Variants in R3HCC1L observed in about 807,000 individuals in gnomAD.
R3HCC1L encodes the protein coiled-coil domain-containing protein R3HCC1L.
R3HCC1L carries 51 observed loss-of-function variants against 59.9 expected under a neutral mutation model. That is an observed-to-expected ratio of 0.85 (90% CI 0.68 to 1.07). The LOEUF is 1.07. Among genes scored for constraint, R3HCC1L ranks in the 50% least tolerant of loss-of-function variants. The pLI, the probability that R3HCC1L is intolerant of heterozygous loss-of-function variation, is 0.00. For synonymous variants in R3HCC1L, 322 were observed against 315.2 expected, an observed-to-expected ratio of 1.02 and a Z score of -0.23; for missense variants, 965 against 933.0, an observed-to-expected ratio of 1.03 and a Z score of -0.45.
At chr10:98,194,083 A>G (rs147669545) in intron 4 of R3HCC1L, among the ~76,000 whole-genome samples, 36 of 152,300 alleles carry the variant, frequency 2.4e-4, no homozygotes, top group East Asian at 2.3e-3. Flanking sequence ...ATTCCATAGT[A>G]TATTACAAAG....
intron 5 of R3HCC1L, among the ~76,000 whole-genome samples, chr10:98,217,871 A>G (rs1854399134): frequency 6.6e-6 from 1 of 151,494 alleles, no homozygotes. Flanking sequence ...CTGACTTTGT[A>G]TCTGGTAATT....
chr10:98,208,867 A>G lies in R3HCC1L; in HGVS notation c.753A>G (p.Gln251=), dbSNP rs1853118670. Residue 251 remains glutamine (Q), a synonymous_variant, in exon 5 of 10, where the codon CAA becomes CAG. Coordinates refer to ENST00000298999, the MANE Select transcript of R3HCC1L (RefSeq NM_001351015.2). ...SDSEIVQQSM[Q]TSDGILNPSS... Reference sequence around the variant, plus strand: ...CTGAAATTGTACAACAAAGCATGCAAACATCAGATGGAATATTGAATCCCA... The same window carrying G: ...CTGAAATTGTACAACAAAGCATGCAGACATCAGATGGAATATTGAATCCCA... 5 of 1,614,052 alleles carry G rather than the reference A, an allele frequency of 3.1e-6. No homozygotes were observed. The South Asian group carries it at 3.3e-5, about 11-fold the overall frequency.
At chr10:98,228,051 T>C (rs903392234) in intron 5 of R3HCC1L, among the ~76,000 whole-genome samples, 2 of 152,230 alleles carry the variant, frequency 1.3e-5, no homozygotes, top group South Asian at 2.1e-4. Context: ...TATGTGTGCA[T>C]GTGTCTTTAT....
At chr10:98,135,170 G>C (rs1305932457) in intron 1 of R3HCC1L, among the ~76,000 whole-genome samples, 1 of 152,240 alleles carries the variant, frequency 6.6e-6, no homozygotes, top group Non-Finnish European at 1.5e-5. Flanking sequence ...CTGGGAGTGA[G>C]CAATCTATAA....
At chr10:98,231,482 C>T (rs750981991) in intron 5 of R3HCC1L, 30 bp from the exon 6 acceptor site, 3 of 1,591,190 alleles carry the variant, frequency 1.9e-6, no homozygotes, top group South Asian at 2.3e-5. Flanking sequence ...TTTAATGTAA[C>T]CGGCACTTAA....
intron 5 of R3HCC1L, among the ~76,000 whole-genome samples, chr10:98,226,062 G>C (rs528813330): frequency 6.6e-6 from 1 of 152,240 alleles, no homozygotes; most frequent in African/African-American, 2.4e-5. Flanking sequence ...TGCCCAGGCT[G>C]GTCTTGAACT....
chr10:98,216,885 T>A (rs1428213146), intron 5 of R3HCC1L, among the ~76,000 whole-genome samples: 1 of 152,186 alleles, frequency 6.6e-6, no homozygotes, highest in Non-Finnish European at 1.5e-5. Context: ...CAGCTTAGAA[T>A]AAGTCTTGTT....
At chr10:98,214,851 A>G (rs560419867) in intron 5 of R3HCC1L, among the ~76,000 whole-genome samples, 128 of 152,340 alleles carry the variant, frequency 8.4e-4, no homozygotes, top group Non-Finnish European at 1.4e-3. Flanking sequence ...ATTTCTGAAA[A>G]TAAGTCTCAT....
chr10:98,179,837 T>C (rs948490616), intron 4 of R3HCC1L, among the ~76,000 whole-genome samples: 1 of 152,240 alleles, frequency 6.6e-6, no homozygotes, highest in Non-Finnish European at 1.5e-5. Context: ...CTAGATTTTC[T>C]AGTTTATTTG....
At chr10:98,231,416 GT>G (rs1312527203) in intron 5 of R3HCC1L, 95 bp from the exon 6 acceptor site, 3 of 1,154,360 alleles carry the variant, frequency 2.6e-6, no homozygotes, top group Non-Finnish European at 3.7e-6. Context: ...ATGGGAACAT[GT>G]AGAGAAAGGG....
At chr10:98,170,939 A>G (rs1037867437) in intron 4 of R3HCC1L, among the ~76,000 whole-genome samples, 5 of 152,310 alleles carry the variant, frequency 3.3e-5, no homozygotes, top group Non-Finnish European at 7.4e-5. Context: ...TATTCATCCA[A>G]TTTTGTTCTG....
intron 4 of R3HCC1L, among the ~76,000 whole-genome samples, chr10:98,204,862 A>G (rs1852459442): frequency 6.6e-6 from 1 of 152,128 alleles, no homozygotes; most frequent in Non-Finnish European, 1.5e-5. Context: ...GGGGTTTGGT[A>G]CTATCCATGG....
chr10:98,185,241 A>G (rs1850095392), intron 4 of R3HCC1L, among the ~76,000 whole-genome samples: 1 of 152,172 alleles, frequency 6.6e-6, no homozygotes, highest in African/African-American at 2.4e-5. Flanking sequence ...AAAAAAGTCA[A>G]GTCTGTGCTA....
chr10:98,146,792 T>A (rs1273160879), intron 1 of R3HCC1L, among the ~76,000 whole-genome samples: 1 of 152,248 alleles, frequency 6.6e-6, no homozygotes, highest in Non-Finnish European at 1.5e-5. Flanking sequence ...TTTTTCTTCT[T>A]ACATGTATCT....
intron 9 of R3HCC1L, among the ~76,000 whole-genome samples, chr10:98,241,950 T>C (rs1005415686): frequency 6.6e-6 from 1 of 152,248 alleles, no homozygotes; most frequent in Non-Finnish European, 1.5e-5. Flanking sequence ...CACCTCACAT[T>C]TTCACTATTT....
intron 4 of R3HCC1L, among the ~76,000 whole-genome samples, chr10:98,170,721 A>T (rs1030000721): frequency 1.3e-5 from 2 of 152,228 alleles, no homozygotes; most frequent in Admixed American, 6.5e-5. Context: ...AAGTCCAGTC[A>T]TTGAAGTTGT....
chr10:98,185,979 A>G (rs1370353146), intron 4 of R3HCC1L, among the ~76,000 whole-genome samples: 1 of 152,204 alleles, frequency 6.6e-6, no homozygotes, highest in Non-Finnish European at 1.5e-5. Context: ...GAGATACTCA[A>G]ATGTGAAGAT....
At position 98,209,786 on chromosome 10, in the gene R3HCC1L, G is replaced by T; in HGVS notation, c.1672G>T (p.Glu558Ter). ...RESSSMETSI[E>*]PKATETSHTE... ...ATCATCATCTATGGAAACATCCATC[G>T]AACCAAAAGCAACTGAAACTTCTCA... The change falls in exon 5 of 10, where the codon GAA becomes TAA. Residue 558 changes from glutamate to a stop codon, truncating the protein, a stop_gained. Coordinates refer to ENST00000298999, the MANE Select transcript of R3HCC1L (RefSeq NM_001351015.2). LOFTEE classifies it high-confidence loss of function. The T allele has an allele frequency of 6.2e-7, 1 of 1,613,748 alleles. No individual in the cohort carries two copies. Among genetic ancestry groups the T allele is most frequent in the Non-Finnish European group, 8.5e-7 (1 of 1,179,836 alleles).
At chr10:98,214,980 G>A (rs1311320275) in intron 5 of R3HCC1L, among the ~76,000 whole-genome samples, 1 of 152,146 alleles carries the variant, frequency 6.6e-6, no homozygotes, top group Non-Finnish European at 1.5e-5. Flanking sequence ...GGTAACTAAG[G>A]CCCAGAAGGG....
Sources: gnomAD v4.1 joint callset for allele counts (sites outside exome capture counted in the v4.1 genomes callset) on GRCh38, gnomAD v4.1.1 for gene constraint, MANE v1.5 for transcripts, NCBI Gene and HGNC (gene_info 2026-07-23, HGNC 2026-07-21) for gene names.